The following GABPB1 variants were observed in gnomAD, a reference collection of about 807,000 sequenced individuals.
GABPB1 encodes the protein GA binding protein transcription factor subunit beta 1.
Under a neutral mutation model 45.9 loss-of-function variants are expected in GABPB1, and 15 were observed. The ratio of observed to expected loss-of-function variants is 0.33; its 90% CI spans 0.22 to 0.50. The LOEUF is 0.50. GABPB1 is among the 20% of genes least tolerant of loss of function. The pLI is 0.98. For missense variants in GABPB1, 252 were observed against 457.5 expected (o/e 0.55, Z 4.10); for synonymous variants, 143 against 154.4 (o/e 0.93, Z 0.55).
At chr15:50,299,050 C>T (rs997496177) in intron 6 of GABPB1, among the ~76,000 whole-genome samples, 11 of 151,326 alleles carry the variant, frequency 7.3e-5, no homozygotes, top group African/African-American at 2.7e-4. Context: ...CAGTAATATC[C>T]ACCTTAAAGC....
intron 1 of GABPB1, among the ~76,000 whole-genome samples, chr15:50,311,565 T>G (rs2047132347): frequency 6.6e-6 from 1 of 152,224 alleles, no homozygotes; most frequent in South Asian, 2.1e-4. Context: ...TTAGAGCATT[T>G]CAGATTTTGC....
At chr15:50,324,452 T>C (rs926028286) in intron 1 of GABPB1, among the ~76,000 whole-genome samples, 2 of 151,092 alleles carry the variant, frequency 1.3e-5, no homozygotes, top group Non-Finnish European at 1.5e-5. Context: ...AGCTAGTAGG[T>C]GAGAAATTCA....
intron 6 of GABPB1, among the ~76,000 whole-genome samples, chr15:50,298,361 T>C (rs1056777931): frequency 1.3e-5 from 2 of 152,184 alleles, no homozygotes; most frequent in African/African-American, 4.8e-5. Context: ...ACTAGAATTA[T>C]AGGCATGAGC....
intron 1 of GABPB1, among the ~76,000 whole-genome samples, chr15:50,331,936 A>C (rs1024033237): frequency 1.3e-5 from 2 of 150,532 alleles, no homozygotes; most frequent in Admixed American, 1.3e-4. Flanking sequence ...GTGCAGTTGC[A>C]TGATCTCTGC....
At chr15:50,282,629 A>C (rs1426675955) in intron 8 of GABPB1, among the ~76,000 whole-genome samples, 1 of 151,428 alleles carries the variant, frequency 6.6e-6, no homozygotes, top group Non-Finnish European at 1.5e-5. Flanking sequence ...CAGGAAAGAT[A>C]GCCATAAAAA....
chr15:50,316,881 T>TTATC (rs1449694976), intron 1 of GABPB1, among the ~76,000 whole-genome samples: 3 of 152,154 alleles, frequency 2.0e-5, no homozygotes, highest in African/African-American at 7.2e-5. Context: ...TAGTTTAATA[T>TTATC]TATCAATTAA....
chr15:50,354,345 CG>C, intron 1 of GABPB1: 1 of 447,422 alleles, frequency 2.2e-6, no homozygotes. Flanking sequence ...GCTGTCGCTG[CG>C]GGGGCCCCGC....
intron 1 of GABPB1, among the ~76,000 whole-genome samples, chr15:50,320,448 G>A (rs1004969025): frequency 2.6e-5 from 4 of 152,188 alleles, no homozygotes; most frequent in Admixed American, 6.5e-5. Context: ...GATTACAGGC[G>A]TGAGCCACCA....
intron 6 of GABPB1, among the ~76,000 whole-genome samples, chr15:50,298,683 T>A (rs1369616855): frequency 6.6e-6 from 1 of 152,198 alleles, no homozygotes. Flanking sequence ...CTGGGCACAG[T>A]GGCTCATGCC....
intron 2 of GABPB1, among the ~76,000 whole-genome samples, chr15:50,305,078 C>T (rs960900662): frequency 1.3e-5 from 2 of 151,992 alleles, no homozygotes; most frequent in African/African-American, 4.8e-5. Context: ...AGAGGGAGTA[C>T]TAAAATGTGA....
rs561476425 is a variant in GABPB1 at position 50,281,245 on chromosome 15, T to C, written c.1000-2461A>G. ...TTTTCTTTTTGAGACGGAGTCTTGC[T>C]CTGTTGCCCAGGCTGGAGTGCAGTG... On this transcript the variant is annotated intron_variant, in intron 8 of 8. Transcript: ENST00000380877. Among the ~76,000 whole-genome samples the C allele has an allele frequency of 3.3e-5, 5 of 152,336 alleles. No homozygotes were observed. The East Asian group carries it at 7.7e-4, about 23-fold the overall frequency.
At chr15:50,280,083 T>C (rs953627786) in intron 8 of GABPB1, among the ~76,000 whole-genome samples, 1 of 152,138 alleles carries the variant, frequency 6.6e-6, no homozygotes, top group Admixed American at 6.5e-5. Flanking sequence ...CTTTTTCTCA[T>C]GGGCCCACCA....
intron 1 of GABPB1, among the ~76,000 whole-genome samples, chr15:50,312,223 CA>C (rs914146796): frequency 6.4e-4 from 86 of 133,672 alleles, no homozygotes; most frequent in Non-Finnish European, 5.8e-4. Flanking sequence ...GACTCCATCT[CA>C]AAAAAAAAAA....
chr15:50,298,053 A>G (rs749776074), intron 6 of GABPB1, among the ~76,000 whole-genome samples: 27 of 152,326 alleles, frequency 1.8e-4, no homozygotes, highest in Non-Finnish European at 3.4e-4. Flanking sequence ...TTAGAAGAAA[A>G]GCCGTTTTAC....
chr15:50,308,178 T>G (rs1456111892), intron 2 of GABPB1, among the ~76,000 whole-genome samples: 1 of 152,230 alleles, frequency 6.6e-6, no homozygotes, highest in Non-Finnish European at 1.5e-5. Context: ...ACTGCTCACT[T>G]TCCTTTGAAT....
At chr15:50,294,721 T>A (rs1430865537) in intron 6 of GABPB1, among the ~76,000 whole-genome samples, 1 of 152,126 alleles carries the variant, frequency 6.6e-6, no homozygotes, top group South Asian at 2.1e-4. Context: ...AAAAACAATG[T>A]GCAAAACAGA....
chr15:50,282,553 T>G (rs370031808), intron 8 of GABPB1, among the ~76,000 whole-genome samples: 1 of 27,334 alleles, frequency 3.7e-5, no homozygotes. Context: ...GACCCTGCCT[T>G]AAAAAAGAAA....
chr15:50,310,396 C>A (rs1170389574), intron 1 of GABPB1, among the ~76,000 whole-genome samples: 1 of 152,154 alleles, frequency 6.6e-6, no homozygotes, highest in Admixed American at 6.5e-5. Flanking sequence ...CCCAGCCAAG[C>A]TGGTCTAAAA....
chr15:50,332,548 G>A (rs906878163), intron 1 of GABPB1, among the ~76,000 whole-genome samples: 1 of 151,872 alleles, frequency 6.6e-6, no homozygotes, highest in East Asian at 1.9e-4. Context: ...TATGATACTG[G>A]TATTATACTT....
Sources: allele counts gnomAD v4.1 joint callset (sites outside exome capture counted in the v4.1 genomes callset), GRCh38; gene constraint gnomAD v4.1.1; transcripts MANE v1.5; gene names NCBI Gene and HGNC (gene_info 2026-07-23, HGNC 2026-07-21).